CALCR: variants seen among roughly 807,000 people sequenced by gnomAD.
CALCR encodes the protein calcitonin receptor.
Under a neutral mutation model 59.5 loss-of-function variants are expected in CALCR, and 47 were observed. The observed-to-expected ratio is 0.79, with a 90% CI of 0.63 to 1.01. CALCR has a LOEUF of 1.01. Ranked by LOEUF, CALCR falls within the 50% of genes least tolerant of loss-of-function variation. The pLI, the probability that CALCR is intolerant of heterozygous loss-of-function variation, is 0.00. For synonymous variants in CALCR, 213 were observed against 211.3 expected, an observed-to-expected ratio of 1.01 and a Z score of -0.07; for missense variants, 566 against 597.1, an observed-to-expected ratio of 0.95 and a Z score of 0.54.
chr7:93,558,556 T>C (rs1276206333), intron 2 of CALCR, among the ~76,000 whole-genome samples: 3 of 152,152 alleles, frequency 2.0e-5, no homozygotes, highest in Admixed American at 2.0e-4. Flanking sequence ...AGGTTTCACA[T>C]GTCTTGCTGT....
At chr7:93,573,858 T>A (rs1174977476) in intron 2 of CALCR, among the ~76,000 whole-genome samples, 1 of 152,238 alleles carries the variant, frequency 6.6e-6, no homozygotes, top group Admixed American at 6.5e-5. Context: ...ACTGTGCTCA[T>A]TTCCAATATC....
At chr7:93,524,299 A>G (rs894846769) in intron 2 of CALCR, among the ~76,000 whole-genome samples, 3 of 151,192 alleles carry the variant, frequency 2.0e-5, no homozygotes, top group African/African-American at 7.3e-5. Flanking sequence ...CCTCCCGAGT[A>G]GCTGGGACTA....
chr7:93,560,086 AAG>A (rs1789710254), intron 2 of CALCR, among the ~76,000 whole-genome samples: 2 of 152,120 alleles, frequency 1.3e-5, no homozygotes, highest in Non-Finnish European at 2.9e-5. Flanking sequence ...ATGTTACAGT[AAG>A]AGAAAAACAA....
chr7:93,446,760 C>G (rs542608104), intron 8 of CALCR, among the ~76,000 whole-genome samples: 5 of 152,042 alleles, frequency 3.3e-5, no homozygotes, highest in Non-Finnish European at 7.4e-5. Context: ...CAGATCAGAT[C>G]AAATAAGCTA....
chr7:93,545,577 C>T (rs182865822), intron 2 of CALCR, among the ~76,000 whole-genome samples: 2 of 152,248 alleles, frequency 1.3e-5, no homozygotes, highest in East Asian at 3.9e-4. Flanking sequence ...CTAGGCTAGC[C>T]AGGACCCTGA....
chr7:93,524,417 A>G (rs779767950), intron 2 of CALCR, among the ~76,000 whole-genome samples: 6 of 151,802 alleles, frequency 4.0e-5, no homozygotes, highest in East Asian at 1.9e-4. Context: ...TGATCCGCCC[A>G]CCTCAGCCTC....
In CALCR at chr7:93,426,339, CTG is replaced by C. The variant is rs755579776; in HGVS notation, c.*15_*16del. On this transcript the variant is annotated 3_prime_UTR_variant, in exon 14 of 14. Transcript: ENST00000426151. ...AAATGATGGCTCAGTGATCACGATG[CTG>C]TGTTTGCTTCACATTCAAGCAGATG... 7 of 1,373,398 alleles carry C rather than the reference CTG, an allele frequency of 5.1e-6. No homozygotes were observed. The highest frequency in any genetic ancestry group is 7.3e-6 in the Non-Finnish European group (7 of 961,164). 85.1% of individuals were successfully genotyped at this position (1,373,398 alleles called of 1,614,324 possible). A position where few individuals can be genotyped will look rare whatever the true frequency, so the allele number is the denominator to read the frequency against.
At chr7:93,494,680 T>A (rs1000731755) in intron 2 of CALCR, among the ~76,000 whole-genome samples, 9 of 151,340 alleles carry the variant, frequency 5.9e-5, no homozygotes, top group Admixed American at 2.6e-4. Flanking sequence ...TGTAGATATA[T>A]GGTTTTTTGA....
rs1350022260 is a variant in CALCR, at chr7:93,437,116, A to G, written c.930+944T>C. Among the ~76,000 whole-genome samples the G allele has an allele frequency of 3.3e-5, 5 of 152,150 alleles. 1 individual carries two copies. The highest frequency in any genetic ancestry group is 4.1e-4 in the South Asian group (2 of 4,822). ...CAAATATATCAATTTCTGTTAATTTATGGTCATTCACAGTGAAGTATGCAT... is the reference window on the plus strand; with the variant it reads ...CAAATATATCAATTTCTGTTAATTTGTGGTCATTCACAGTGAAGTATGCAT... On this transcript the variant is annotated intron_variant, in intron 11 of 13. Transcript: ENST00000426151.
intron 8 of CALCR, among the ~76,000 whole-genome samples, chr7:93,454,223 T>C (rs938319324): frequency 1.3e-5 from 2 of 152,014 alleles, no homozygotes; most frequent in Non-Finnish European, 2.9e-5. Flanking sequence ...GTGTCTTGGC[T>C]CTGAGCATCC....
chr7:93,529,849 A>G (rs1479601743), intron 2 of CALCR, among the ~76,000 whole-genome samples: 5 of 152,190 alleles, frequency 3.3e-5, no homozygotes, highest in Admixed American at 6.6e-5. Flanking sequence ...GAATGTTAAT[A>G]TATGTGAAGG....
chr7:93,487,685 G>T (rs1423079942), intron 2 of CALCR, among the ~76,000 whole-genome samples: 2 of 151,394 alleles, frequency 1.3e-5, no homozygotes, highest in Admixed American at 6.6e-5. Context: ...ACTTAACAAA[G>T]GGTTAAACAG....
chr7:93,504,861 AG>A (rs774560842), intron 2 of CALCR, among the ~76,000 whole-genome samples: 43 of 152,266 alleles, frequency 2.8e-4, no homozygotes, highest in African/African-American at 1.0e-3. Flanking sequence ...TTCTATCTAA[AG>A]CAGACGCACC....
At chr7:93,432,873 C>G (rs1799687094) in intron 13 of CALCR, among the ~76,000 whole-genome samples, 1 of 152,168 alleles carries the variant, frequency 6.6e-6, no homozygotes, top group Non-Finnish European at 1.5e-5. Flanking sequence ...GACTTACGCC[C>G]TACTCATTTA....
chr7:93,527,628 T>C (rs1056087981), intron 2 of CALCR, among the ~76,000 whole-genome samples: 2 of 152,238 alleles, frequency 1.3e-5, no homozygotes, highest in Admixed American at 1.3e-4. Context: ...AACTGACTGG[T>C]TCTAGAAACA....
chr7:93,429,001 A>G (rs1379153688), intron 13 of CALCR, among the ~76,000 whole-genome samples: 2 of 152,228 alleles, frequency 1.3e-5, no homozygotes, highest in Non-Finnish European at 2.9e-5. Flanking sequence ...TAGAGTATCC[A>G]TTTATATTAA....
chr7:93,434,237 T>C lies in CALCR; in HGVS notation c.1191+16A>G, dbSNP rs753381324. 18 of 1,587,982 alleles carry C rather than the reference T, an allele frequency of 1.1e-5. No individual in the cohort carries two copies. The African/African-American group carries it at 2.2e-4, about 19-fold the overall frequency. On this transcript the variant is annotated intron_variant, in intron 13 of 13. Transcript: ENST00000426151. ...TACACAAACAAGTGATAGTATTATA[T>C]GAAATGCATGCTTACCTCATTGTTG...
At position 93,443,725 on chromosome 7, in the gene CALCR, C is replaced by T. The variant is rs1281091237; in HGVS notation, c.681G>A (p.Gln227=). 2 of 1,612,950 alleles carry T rather than the reference C, an allele frequency of 1.2e-6. No homozygotes were observed. Among genetic ancestry groups the T allele is most frequent in the Middle Eastern group, 1.7e-4 (1 of 6,052 alleles). Residue 227 remains glutamine (Q), a synonymous_variant, in exon 9 of 14, where the codon CAG becomes CAA. Transcript: ENST00000426151. ...AGAAATAGTTGCAGGCCATCATGTA[C>T]TGGTGGAAAAAATGCAAAATCTTGC... ...VSCKILHFFH[Q]YMMACNYFWM...
rs916986758 is a variant in CALCR, at chr7:93,462,199, G to A, written c.522-1252C>T. On this transcript the variant is annotated intron_variant, in intron 7 of 13. Transcript: ENST00000426151. ...TACAGTTTTCAACTTTTCGGGAAGC[G>A]ATTATAGTAACTCATTAATAAATAA... 2.8e-5 allele frequency: 18 copies of A among 647,502 alleles called. No individual in the cohort carries two copies. The East Asian group carries it at 4.1e-4, about 15-fold the overall frequency. The allele number at this position is 647,502 out of a possible 1,614,324, so 40.1% of individuals were successfully genotyped here.
Sources: gnomAD v4.1 joint callset for allele counts (sites outside exome capture counted in the v4.1 genomes callset) on GRCh38, gnomAD v4.1.1 for gene constraint, MANE v1.5 for transcripts, NCBI Gene and HGNC (gene_info 2026-07-23, HGNC 2026-07-21) for gene names.